STEAP4: variants seen among roughly 807,000 people sequenced by gnomAD.
STEAP4 encodes metalloreductase STEAP4.
A neutral mutation model predicts 43.6 loss-of-function variants in STEAP4; 36 were observed. That is an observed-to-expected ratio of 0.83 (90% CI 0.63 to 1.09). The LOEUF (loss-of-function observed/expected upper bound fraction) is 1.09, where lower values mean the gene tolerates loss of function less well. Among genes scored for constraint, STEAP4 ranks in the 50% least tolerant of loss-of-function variants. The probability of loss-of-function intolerance (pLI) is 0.00; values close to 1 mark genes in which losing one functional copy is unlikely to be tolerated. For synonymous variants in STEAP4, 191 were observed against 196.7 expected (o/e 0.97, Z 0.24); for missense variants, 495 against 546.5 (o/e 0.91, Z 0.94).
At chr7:88,302,151 C>A (rs774588779) in intron 1 of STEAP4, among the ~76,000 whole-genome samples, 81 of 152,196 alleles carry the variant, frequency 5.3e-4, no homozygotes, top group Admixed American at 4.6e-4. Context: ...ATTGTGCAGG[C>A]AGCATCCATA....
intron 1 of STEAP4, among the ~76,000 whole-genome samples, chr7:88,295,262 C>G (rs998762951): frequency 3.3e-5 from 5 of 152,154 alleles, no homozygotes; most frequent in African/African-American, 1.2e-4. Flanking sequence ...TTTCCTAGCA[C>G]CCTTTCCTGT....
intron 1 of STEAP4, among the ~76,000 whole-genome samples, chr7:88,291,750 G>A (rs1423552701): frequency 6.6e-6 from 1 of 152,140 alleles, no homozygotes; most frequent in Non-Finnish European, 1.5e-5. Flanking sequence ...AAAAAAGGTA[G>A]TAAACAGGAA....
At chr7:88,303,149 T>C (rs1326094843) in intron 1 of STEAP4, among the ~76,000 whole-genome samples, 2 of 148,360 alleles carry the variant, frequency 1.3e-5, no homozygotes, top group African/African-American at 5.0e-5. Context: ...AAGGGAACTT[T>C]ATCCTGATGT....
In STEAP4 at chr7:88,282,959, G is replaced by A. The variant is rs370475892; in HGVS notation, c.666C>T (p.Asp222=). 62 of 1,613,646 alleles carry A rather than the reference G, an allele frequency of 3.8e-5. No individual in the cohort carries two copies. Among genetic ancestry groups the A allele is most frequent in the African/African-American group, 3.3e-4 (25 of 74,902 alleles). ...VFLFFYCVIR[D]VIYPYVYEKK... ...TTTCATAAACATAAGGGTAGATTAC[G>A]TCTCTTATAACACAATAGAAAAACA... Residue 222 remains aspartate, a synonymous_variant, in exon 3 of 5, where the codon GAC becomes GAT. Coordinates refer to ENST00000380079, the MANE Select transcript of STEAP4 (RefSeq NM_024636.4).
chr7:88,295,895 C>T (rs1308952169), intron 1 of STEAP4, among the ~76,000 whole-genome samples: 1 of 152,140 alleles, frequency 6.6e-6, no homozygotes, highest in African/African-American at 2.4e-5. Flanking sequence ...GCTGCAGAAA[C>T]TTCACCTTCC....
At chr7:88,299,067 A>T (rs538162446) in intron 1 of STEAP4, among the ~76,000 whole-genome samples, 1 of 151,180 alleles carries the variant, frequency 6.6e-6, no homozygotes, top group South Asian at 2.1e-4. Context: ...AACTAAAGTG[A>T]TTGTTAGTAA....
chr7:88,276,613 G>A lies in STEAP4; in HGVS notation c.*2785C>T, dbSNP rs1206305450. 6.6e-6 allele frequency: 1 copy of A among 152,536 alleles called. No homozygotes were observed. The highest frequency in any genetic ancestry group is 1.5e-5 in the Non-Finnish European group (1 of 68,016). The allele number at this position is 152,536 out of a possible 1,614,324, so 9.4% of individuals were successfully genotyped here. A position where few individuals can be genotyped will look rare whatever the true frequency, so the allele number is the denominator to read the frequency against. ...TAAAATAGTTTGGATCTGTTAAAAG[G>A]AATACAGTTCGCCCAAAGCACTTAT... is the stretch of plus-strand genomic sequence containing the variant. On this transcript the variant is annotated 3_prime_UTR_variant, in exon 5 of 5. Coordinates refer to ENST00000380079, the MANE Select transcript of STEAP4 (RefSeq NM_024636.4).
chr7:88,283,691 T>C (rs1852670609), intron 2 of STEAP4, 123 bp downstream of exon 2: 1 of 1,071,638 alleles, frequency 9.3e-7, no homozygotes, highest in South Asian at 1.6e-5. Context: ...TCACAGCACA[T>C]ATTAGCAAAA....
chr7:88,301,602 C>T (rs1381276354), intron 1 of STEAP4, among the ~76,000 whole-genome samples: 6 of 149,918 alleles, frequency 4.0e-5, no homozygotes, highest in Non-Finnish European at 5.9e-5. Flanking sequence ...TTTTTCCAGA[C>T]AGCTGGAGTG....
intron 3 of STEAP4, 47 bp from the exon 4 acceptor site, chr7:88,281,126 C>T: frequency 2.1e-6 from 3 of 1,442,616 alleles, no homozygotes; most frequent in Non-Finnish European, 2.8e-6. Flanking sequence ...TTACAAACTA[C>T]ATTTTACAAA....
intron 1 of STEAP4, among the ~76,000 whole-genome samples, chr7:88,289,275 T>C (rs1271606533): frequency 6.6e-6 from 1 of 152,142 alleles, no homozygotes; most frequent in Non-Finnish European, 1.5e-5. Context: ...AGGAAGATGC[T>C]GAATGATTAA....
Position 88,279,568 on chromosome 7 carries a change from TC to T in STEAP4, c.1209del (p.Lys404ArgfsTer19). 1 of 1,613,930 alleles carries T rather than the reference TC, an allele frequency of 6.2e-7. No individual in the cohort carries two copies. Among genetic ancestry groups the T allele is most frequent in the Non-Finnish European group, 8.5e-7 (1 of 1,179,920 alleles). On this transcript the variant is annotated frameshift_variant, in exon 5 of 5. Coordinates refer to ENST00000380079, the MANE Select transcript of STEAP4 (RefSeq NM_024636.4). LOFTEE classifies it high-confidence loss of function. ...AGATTTGAAGGGCTGAGGAATCTCT[TC>T]CCACCGTACACCAGGGTGTGGGCTG... is the stretch of plus-strand genomic sequence containing the variant. The part of the protein sequence containing the change: ...LCTAHTLVYG[G>X]KRFLSPSNLR...
Position 88,279,627 on chromosome 7 carries a change from G to A in STEAP4, c.1151C>T (p.Ser384Phe). 1 of 1,608,060 alleles carries A rather than the reference G, an allele frequency of 6.2e-7. No individual in the cohort carries two copies. Residue 384 changes from serine (S) to phenylalanine (F), a missense_variant and splice_region_variant, in exon 5 of 5, where the codon TCC (serine) becomes TTC (phenylalanine). By Grantham distance (155) the Ser-to-Phe change is radical. Coordinates refer to ENST00000380079, the MANE Select transcript of STEAP4 (RefSeq NM_024636.4). Reference protein sequence around the residue: ...VNWREFRFVQSKLGYLTLILC... With the variant: ...VNWREFRFVQFKLGYLTLILC... Reference sequence around the variant, plus strand: ...GATCAGGGTCAAATAACCCAGTTTGGACTATAAACAAGAAACAAAAATATG... The same window carrying A: ...GATCAGGGTCAAATAACCCAGTTTGAACTATAAACAAGAAACAAAAATATG...
chr7:88,304,446 C>A (rs1179333948), intron 1 of STEAP4: 2 of 152,010 alleles, frequency 1.3e-5, no homozygotes, highest in Non-Finnish European at 2.9e-5. Flanking sequence ...AACAAACAAA[C>A]AAACAAAATC....
Position 88,275,830 on chromosome 7 carries a change from G to A in STEAP4, c.*3568C>T, listed in dbSNP as rs1852505889. ...CTTTTGTGATCCCTGAACAATAGATGAATGAAGAGCTCCTGAATGAATTTC... is the reference window on the plus strand; with the variant it reads ...CTTTTGTGATCCCTGAACAATAGATAAATGAAGAGCTCCTGAATGAATTTC... On this transcript the variant is annotated 3_prime_UTR_variant, in exon 5 of 5. Coordinates refer to ENST00000380079, the MANE Select transcript of STEAP4 (RefSeq NM_024636.4). 1 of 152,172 alleles carries A rather than the reference G, an allele frequency of 6.6e-6. No individual in the cohort carries two copies. Among genetic ancestry groups the A allele is most frequent in the African/African-American group, 2.4e-5 (1 of 41,440 alleles). The allele number at this position is 152,172 out of a possible 1,614,324, so 9.4% of individuals were successfully genotyped here.
At chr7:88,298,787 A>T (rs929608518) in intron 1 of STEAP4, among the ~76,000 whole-genome samples, 1 of 152,204 alleles carries the variant, frequency 6.6e-6, no homozygotes, top group African/African-American at 2.4e-5. Context: ...TTTTCTACAT[A>T]AAGAAACTAC....
Position 88,303,200 on chromosome 7 carries a change from A to C in STEAP4, c.-3+3592T>G, listed in dbSNP as rs547492564. 3.0e-3 allele frequency among the ~76,000 whole-genome samples: 442 copies of C among 145,224 alleles called. 3 individuals carry two copies. The highest frequency in any genetic ancestry group is 9.1e-3 in the African/African-American group (364 of 40,150). ...AATCTGCATTAAAAAAAAAAAAAAA[A>C]AAAAAAAAACTCCAACCGGGCGCGG... is the stretch of plus-strand genomic sequence containing the variant. On this transcript the variant is annotated intron_variant, in intron 1 of 4. Coordinates refer to ENST00000380079, the MANE Select transcript of STEAP4 (RefSeq NM_024636.4).
chr7:88,299,423 T>C (rs764651206), intron 1 of STEAP4, among the ~76,000 whole-genome samples: 20 of 152,162 alleles, frequency 1.3e-4, no homozygotes, highest in Non-Finnish European at 2.5e-4. Flanking sequence ...TGACTTCCAT[T>C]TACATTTTAA....
At position 88,278,230 on chromosome 7, in the gene STEAP4, C is replaced by T. The variant is rs1267375145; in HGVS notation, c.*1168G>A. On this transcript the variant is annotated 3_prime_UTR_variant, in exon 5 of 5. Transcript: ENST00000380079. The stretch of plus-strand genomic sequence containing the variant: ...CACCTTGGAAAGGGTACTATCAGCA[C>T]AGAAAAACAGTGAGAACCATCCTAA... 6.6e-6 allele frequency: 1 copy of T among 152,112 alleles called. No homozygotes were observed. The highest frequency in any genetic ancestry group is 2.4e-5 in the African/African-American group (1 of 41,428). 9.4% of individuals were successfully genotyped at this position (152,112 alleles called of 1,614,324 possible). A position where few individuals can be genotyped will look rare whatever the true frequency, so the allele number is the denominator to read the frequency against.
Sources: gnomAD v4.1 joint callset for allele counts (sites outside exome capture counted in the v4.1 genomes callset) on GRCh38, gnomAD v4.1.1 for gene constraint, MANE v1.5 for transcripts, NCBI Gene and HGNC (gene_info 2026-07-23, HGNC 2026-07-21) for gene names.